The following FAP variants were observed in gnomAD, a reference collection of about 807,000 sequenced individuals.
FAP encodes the protein prolyl endopeptidase FAP.
A neutral mutation model predicts 126.5 loss-of-function variants in FAP; 110 were observed. That is an observed-to-expected ratio of 0.87 (90% CI 0.74 to 1.02). FAP has a LOEUF of 1.02. Among genes scored for constraint, FAP ranks in the 50% least tolerant of loss-of-function variants. The pLI is 0.00. For missense variants in FAP, 919 were observed against 909.2 expected (o/e 1.01, Z -0.14); for synonymous variants, 334 against 297.3 (o/e 1.12, Z -1.27).
intron 5 of FAP, among the ~76,000 whole-genome samples, chr2:162,224,220 A>G (rs1415299365): frequency 6.6e-6 from 1 of 152,174 alleles, no homozygotes; most frequent in Admixed American, 6.6e-5. Context: ...TTTCTTGTTA[A>G]GTATGTTTGT....
chr2:162,173,520 G>C (rs1394551258), intron 23 of FAP, among the ~76,000 whole-genome samples: 1 of 152,056 alleles, frequency 6.6e-6, no homozygotes. Context: ...TGGGAAAAGA[G>C]AGGTTAGGGA....
At chr2:162,172,976 T>C (rs1687367719) in intron 24 of FAP, 92 bp from the exon 25 acceptor site, 1 of 1,152,444 alleles carries the variant, frequency 8.7e-7, no homozygotes, top group Non-Finnish European at 1.3e-6. Flanking sequence ...CCAACAATTA[T>C]CTAGTCATGC....
rs1687928882 is a variant in FAP at position 162,188,442 on chromosome 2, C to T, written c.1620-79G>A. 35 of 1,195,222 alleles carry T rather than the reference C, an allele frequency of 2.9e-5. No individual in the cohort carries two copies. In the South Asian group the frequency reaches 4.9e-4, roughly 17 times the overall value. The allele number at this position is 1,195,222 out of a possible 1,614,324, so 74.0% of individuals were successfully genotyped here. On this transcript the variant is annotated intron_variant, in intron 19 of 25. Transcript: ENST00000188790. Reference sequence around the variant, plus strand: ...TTCCCATCCTGGCCAAGCATTGCTTCTAGTAATTCCAGTACAATTATGTGA... The same window carrying T: ...TTCCCATCCTGGCCAAGCATTGCTTTTAGTAATTCCAGTACAATTATGTGA...
intron 20 of FAP, 77 bp downstream of exon 20, chr2:162,188,092 G>A (rs1414436908): frequency 8.4e-7 from 1 of 1,184,370 alleles, no homozygotes; most frequent in East Asian, 2.4e-5. Context: ...ATTAAGTCAT[G>A]AAGAATGGAG....
At chr2:162,237,265 A>G (rs1690175612) in intron 2 of FAP, among the ~76,000 whole-genome samples, 1 of 152,242 alleles carries the variant, frequency 6.6e-6, no homozygotes, top group African/African-American at 2.4e-5. Context: ...CATTTGCAGG[A>G]CGTGCAGGTT....
chr2:162,177,692 T>C (rs1258281398), intron 21 of FAP, among the ~76,000 whole-genome samples: 1 of 152,146 alleles, frequency 6.6e-6, no homozygotes, highest in Non-Finnish European at 1.5e-5. Context: ...CATTTAACAC[T>C]CTCTATATTT....
chr2:162,209,999 A>G lies in FAP; in HGVS notation c.1003-3T>C, dbSNP rs759426040. 27 of 1,612,058 alleles carry G rather than the reference A, an allele frequency of 1.7e-5. No homozygotes were observed. The highest frequency in any genetic ancestry group is 2.0e-5 in the Non-Finnish European group (23 of 1,178,880). ...CTTTCTTCTATATGCTCCTGGGTCT[A>G]AAAGACAAAAGATCACATCGAACAT... On this transcript the variant is annotated splice_region_variant and splice_polypyrimidine_tract_variant and intron_variant, in intron 11 of 25. Transcript: ENST00000188790.
intron 15 of FAP, 24 bp from the exon 16 acceptor site, chr2:162,198,905 T>G (rs755810782): frequency 6.2e-7 from 1 of 1,608,422 alleles, no homozygotes; most frequent in Non-Finnish European, 8.5e-7. Context: ...AAAATAAAAC[T>G]AAGCTGAAAT....
Position 162,219,903 on chromosome 2 carries a change from G to A in FAP, c.436C>T (p.Leu146Phe). The A allele has an allele frequency of 6.2e-7, 1 of 1,611,960 alleles. No individual in the cohort carries two copies. Among genetic ancestry groups the A allele is most frequent in the Non-Finnish European group, 8.5e-7 (1 of 1,178,304 alleles). The change falls in exon 7 of 26, where the codon CTT (leucine) becomes TTT (phenylalanine). Residue 146 changes from leucine (L) to phenylalanine (F), a missense_variant. Leu to Phe is a conservative substitution (Grantham distance 22, BLOSUM62 0). Transcript: ENST00000188790. ...CATAAATACTGAATTGGACGAGGAAGCTCATTTCCTCTTACAAATTCTCTA... is the reference window on the plus strand; with the variant it reads ...CATAAATACTGAATTGGACGAGGAAACTCATTTCCTCTTACAAATTCTCTA... ...SNGEFVRGNE[L>F]PRPIQYLCWS...
intron 10 of FAP, 62 bp downstream of exon 10, chr2:162,215,836 T>C (rs113395152): frequency 8.5e-7 from 1 of 1,173,660 alleles, no homozygotes; most frequent in Non-Finnish European, 1.3e-6. Context: ...GCTTCTAGCA[T>C]GCACAGCATA....
At chr2:162,188,462 A>G (rs998127664) in intron 19 of FAP, 99 bp from the exon 20 acceptor site, 2 of 996,834 alleles carry the variant, frequency 2.0e-6, no homozygotes, top group Non-Finnish European at 3.0e-6. Context: ...CAGTACAATT[A>G]TGTGATAAAA....
chr2:162,195,027 C>T (rs554590788), intron 16 of FAP: 2 of 429,854 alleles, frequency 4.7e-6, no homozygotes, highest in Non-Finnish European at 8.6e-6. Flanking sequence ...TACACAAATG[C>T]ACCCCAGAAG....
At chr2:162,179,759 GATCT>G (rs1320073177) in intron 21 of FAP, among the ~76,000 whole-genome samples, 37 of 134,884 alleles carry the variant, frequency 2.7e-4, no homozygotes, top group South Asian at 2.1e-3. Context: ...AGGAAGCACA[GATCT>G]ATCTATCTAT....
At chr2:162,227,470 CA>C (rs1200695944) in intron 2 of FAP, among the ~76,000 whole-genome samples, 1 of 152,246 alleles carries the variant, frequency 6.6e-6, no homozygotes, top group East Asian at 1.9e-4. Context: ...AACCAAAGCC[CA>C]ATGCCCTTTT....
At chr2:162,211,076 G>C (rs1405105180) in intron 11 of FAP, among the ~76,000 whole-genome samples, 1 of 152,240 alleles carries the variant, frequency 6.6e-6, no homozygotes, top group South Asian at 2.1e-4. Flanking sequence ...GTTGACCGTG[G>C]TTATTTGATA....
intron 16 of FAP, among the ~76,000 whole-genome samples, chr2:162,196,926 G>A (rs1688276342): frequency 1.3e-5 from 2 of 152,304 alleles, no homozygotes; most frequent in South Asian, 2.1e-4. Flanking sequence ...GGCGATTCAA[G>A]TTCTAGAAAG....
intron 20 of FAP, among the ~76,000 whole-genome samples, chr2:162,187,110 CCTTT>C (rs1451628284): frequency 6.6e-6 from 1 of 151,920 alleles, no homozygotes; most frequent in Non-Finnish European, 1.5e-5. Context: ...GTTATGGACA[CCTTT>C]CTATTTTTAA....
At position 162,224,350 on chromosome 2, in the gene FAP, G is replaced by A. The variant is rs554378477; in HGVS notation, c.360+116C>T. On this transcript the variant is annotated intron_variant, in intron 5 of 25. Transcript: ENST00000188790. ...TATCATGCTGAAGATTATTGGTGAC[G>A]AGGGCCTGAATATTTAGAGATAAAG... is the stretch of plus-strand genomic sequence containing the variant. 1.2e-4 allele frequency: 76 copies of A among 628,506 alleles called. No individual in the cohort carries two copies. In the South Asian group the frequency reaches 1.3e-3, roughly 10 times the overall value. 38.9% of individuals were successfully genotyped at this position (628,506 alleles called of 1,614,324 possible).
In FAP at chr2:162,171,048, G is replaced by A; in HGVS notation, c.2214C>T (p.Gly738=). ...GGGTGTATAAGTGGTTCGTGGACAG[G>A]CCGGATAAGCCGTGGTTCTGGTCAG... is the stretch of plus-strand genomic sequence containing the variant. ...WYSDQNHGLS[G]LSTNHLYTHM... is the part of the protein sequence containing the mutation. The change falls in exon 26 of 26, where the codon GGC becomes GGT. Residue 738 remains glycine, a synonymous_variant. Transcript: ENST00000188790. The A allele has an allele frequency of 6.2e-7, 1 of 1,613,100 alleles. No homozygotes were observed. Among genetic ancestry groups the A allele is most frequent in the East Asian group, 2.2e-5 (1 of 44,852 alleles).
Sources: allele counts gnomAD v4.1 joint callset (sites outside exome capture counted in the v4.1 genomes callset), GRCh38; gene constraint gnomAD v4.1.1; transcripts MANE v1.5; gene names NCBI Gene and HGNC (gene_info 2026-07-23, HGNC 2026-07-21).